The following XAF1 variants were observed in gnomAD, a reference collection of about 807,000 sequenced individuals.
XAF1 encodes the protein XIAP-associated factor 1.
XAF1 carries 32 observed loss-of-function variants against 32.3 expected under a neutral mutation model. The ratio of observed to expected loss-of-function variants is 0.99; its 90% CI spans 0.75 to 1.33. The LOEUF (loss-of-function observed/expected upper bound fraction) is 1.33. Among genes scored for constraint, XAF1 ranks in the 40% most tolerant of loss-of-function variants. The pLI is 0.00. For synonymous variants in XAF1, 120 were observed against 125.9 expected (o/e 0.95, Z 0.31); for missense variants, 379 against 366.0 (o/e 1.04, Z -0.29).
At chr17:6,760,277 G>A in intron 3 of XAF1, 129 bp from the exon 4 acceptor site, 2 of 872,768 alleles carry the variant, frequency 2.3e-6, no homozygotes, top group Non-Finnish European at 3.4e-6. Context: ...GAACCCGGGA[G>A]GCGGAGGTTG....
Position 6,773,169 on chromosome 17 carries a change from G to A in XAF1, c.906G>A (p.Ter302=). 1 of 1,603,408 alleles carries A rather than the reference G, an allele frequency of 6.2e-7. No homozygotes were observed. The highest frequency in any genetic ancestry group is 8.5e-7 in the Non-Finnish European group (1 of 1,176,630). ...SKGKQVRNFS[*] ...GAAAACAAGTGAGAAATTTCAGCTA[G>A]ATTTGGAAAAGGAAAGGTACTACAA... The change falls in exon 7 of 7, where the codon TAG becomes TAA. Residue 302 remains the stop codon, a stop_retained_variant. Coordinates refer to ENST00000361842, the MANE Select transcript of XAF1 (RefSeq NM_017523.5).
intron 2 of XAF1, chr17:6,759,153 GC>G: frequency 9.8e-7 from 1 of 1,017,218 alleles, no homozygotes; most frequent in Non-Finnish European, 1.2e-6. Context: ...AAGTCATTTA[GC>G]CCCTCCACAC....
At chr17:6,771,013 T>G (rs764455387) in intron 6 of XAF1, 29 bp downstream of exon 6, 1 of 1,609,378 alleles carries the variant, frequency 6.2e-7, no homozygotes, top group Non-Finnish European at 8.5e-7. Flanking sequence ...CTGCTTACCT[T>G]TCTGGGAACC....
chr17:6,772,602 C>T (rs1673899378), intron 6 of XAF1, among the ~76,000 whole-genome samples: 1 of 151,380 alleles, frequency 6.6e-6, no homozygotes, highest in Admixed American at 6.6e-5. Flanking sequence ...TCCTGAGTAG[C>T]TGGGAGTACA....
At chr17:6,760,897 G>A (rs1409349716) in intron 4 of XAF1, among the ~76,000 whole-genome samples, 3 of 152,208 alleles carry the variant, frequency 2.0e-5, no homozygotes, top group Non-Finnish European at 1.5e-5. Flanking sequence ...GCTAATGCCT[G>A]TAATCCCAGC....
intron 5 of XAF1, among the ~76,000 whole-genome samples, chr17:6,763,346 G>T (rs1212401913): frequency 6.6e-6 from 1 of 150,618 alleles, no homozygotes; most frequent in African/African-American, 2.4e-5. Context: ...TTATTTTTTT[G>T]AGACAGGGTC....
chr17:6,758,482 G>A lies in XAF1; in HGVS notation c.168+258G>A, dbSNP rs1451519229. ...GGCAAGTGTTCAGTCCTCTCTGCAG[G>A]TGAGATGGGGTCTGGGAGTCAAGGC... is the stretch of plus-strand genomic sequence containing the variant. On this transcript the variant is annotated intron_variant, in intron 2 of 6. Coordinates refer to ENST00000361842, the MANE Select transcript of XAF1 (RefSeq NM_017523.5). 3 of 537,390 alleles carry A rather than the reference G, an allele frequency of 5.6e-6. No homozygotes were observed. The East Asian group carries it at 1.1e-4, about 19-fold the overall frequency. 33.3% of individuals were successfully genotyped at this position (537,390 alleles called of 1,614,324 possible). A position where few individuals can be genotyped will look rare whatever the true frequency, so the allele number is the denominator to read the frequency against.
rs138201102 is a variant in XAF1, at chr17:6,763,207, A to G, written c.507+967A>G. 6.6e-3 allele frequency among the ~76,000 whole-genome samples: 1,006 copies of G among 152,352 alleles called. 12 individuals carry two copies. Among genetic ancestry groups the G allele is most frequent in the African/African-American group, 0.023 (952 of 41,580 alleles). On this transcript the variant is annotated intron_variant, in intron 5 of 6. Coordinates refer to ENST00000361842, the MANE Select transcript of XAF1 (RefSeq NM_017523.5). ...TCTATTCTGGACACTTCACATCAGT[A>G]GACTCATATAATATGTGGTCTTATG... is the stretch of plus-strand genomic sequence containing the variant.
chr17:6,756,240 G>A, intron 1 of XAF1, 130 bp downstream of exon 1: 3 of 1,538,660 alleles, frequency 1.9e-6, no homozygotes, highest in South Asian at 1.2e-5. Flanking sequence ...AGCAGCTGGA[G>A]ACCGTGGGCC....
chr17:6,762,078 T>C (rs1282299604), intron 4 of XAF1, 77 bp from the exon 5 acceptor site: 6 of 1,606,018 alleles, frequency 3.7e-6, no homozygotes, highest in East Asian at 2.2e-5. Flanking sequence ...GCACAGGCCA[T>C]GTATGCAGTT....
chr17:6,758,272 T>G, intron 2 of XAF1, 48 bp downstream of exon 2: 1 of 1,604,154 alleles, frequency 6.2e-7, no homozygotes, highest in Non-Finnish European at 8.5e-7. Context: ...AGGTGAGTGT[T>G]CAGTCCTCCC....
At chr17:6,769,681 C>T (rs1195037798) in intron 5 of XAF1, among the ~76,000 whole-genome samples, 3 of 152,134 alleles carry the variant, frequency 2.0e-5, no homozygotes, top group Non-Finnish European at 1.5e-5. Context: ...CCTCTATGAC[C>T]TATTTTGAGG....
intron 5 of XAF1, among the ~76,000 whole-genome samples, chr17:6,770,115 T>C (rs1030022714): frequency 3.9e-5 from 6 of 152,158 alleles, no homozygotes; most frequent in African/African-American, 1.4e-4. Flanking sequence ...ACCAGTCCAT[T>C]TGTGCTGCTA....
At chr17:6,760,682 C>A in intron 4 of XAF1, 81 bp downstream of exon 4, 2 of 1,354,244 alleles carry the variant, frequency 1.5e-6, no homozygotes, top group Non-Finnish European at 1.0e-6. Context: ...AAGGGAAGCT[C>A]TCAACAGGAC....
upstream of XAF1, chr17:6,755,973 T>C (rs749348172): frequency 1.1e-5 from 17 of 1,598,526 alleles, no homozygotes; most frequent in Non-Finnish European, 1.4e-5. Flanking sequence ...ATTCTGAAGA[T>C]CTCCTCCCTC....
At chr17:6,758,310 G>C in intron 2 of XAF1, 86 bp downstream of exon 2, 1 of 1,538,308 alleles carries the variant, frequency 6.5e-7, no homozygotes. Flanking sequence ...CTGAGAGTTG[G>C]GGGACGAGGG....
In XAF1 at chr17:6,775,630, A is replaced by G. The variant is rs1976366033; in HGVS notation, c.*2461A>G. 2.0e-5 allele frequency: 3 copies of G among 152,382 alleles called. No individual in the cohort carries two copies. Among genetic ancestry groups the G allele is most frequent in the African/African-American group, 2.4e-5 (1 of 41,576 alleles). The allele number at this position is 152,382 out of a possible 1,614,324, so 9.4% of individuals were successfully genotyped here. A position where few individuals can be genotyped will look rare whatever the true frequency, so the allele number is the denominator to read the frequency against. ...GAACCCGGCTTTGTCCCCAAAGAAT[A>G]AAAACACCTCTCTAAAAGCTGCTCT... On this transcript the variant is annotated 3_prime_UTR_variant, in exon 7 of 7. Transcript: ENST00000361842.
At chr17:6,760,287 G>T in intron 3 of XAF1, 119 bp from the exon 4 acceptor site, 1 of 966,982 alleles carries the variant, frequency 1.0e-6, no homozygotes, top group Non-Finnish European at 1.5e-6. Flanking sequence ...GGCGGAGGTT[G>T]CAGTGAGCCA....
chr17:6,763,201 A>G (rs1241002860), intron 5 of XAF1, among the ~76,000 whole-genome samples: 1 of 152,228 alleles, frequency 6.6e-6, no homozygotes. Context: ...GACACTTCAC[A>G]TCAGTAGACT....
Sources: gnomAD v4.1 joint callset for allele counts (sites outside exome capture counted in the v4.1 genomes callset) on GRCh38, gnomAD v4.1.1 for gene constraint, MANE v1.5 for transcripts, NCBI Gene and HGNC (gene_info 2026-07-23, HGNC 2026-07-21) for gene names.